Variants in DACH2 observed in about 807,000 individuals in gnomAD.
DACH2 encodes dachshund homolog 2.
A neutral mutation model predicts 35.8 loss-of-function variants in DACH2; 17 were observed. The observed-to-expected ratio is 0.48, with a 90% CI of 0.33 to 0.71. The LOEUF is 0.71. Among genes scored for constraint, DACH2 ranks in the 30% least tolerant of loss-of-function variants. The pLI is 0.02. For synonymous variants in DACH2, 195 were observed against 177.3 expected, an observed-to-expected ratio of 1.10 and a Z score of -0.79; for missense variants, 469 against 472.7, an observed-to-expected ratio of 0.99 and a Z score of 0.07.
rs779347731 is a variant in DACH2 at position 86,535,710 on chromosome X, GA to G, written c.640+21328del. The stretch of plus-strand genomic sequence containing the variant: ...GAGAGAGACACGGATCTGACAGAGA[GA>G]AAAAAAAACGGTAGGCTTTATTGAG... On this transcript the variant is annotated intron_variant, in intron 3 of 11. Transcript: ENST00000373125. Among the ~76,000 whole-genome samples the G allele has an allele frequency of 3.4e-4, 37 of 107,279 alleles. No homozygotes were observed. The East Asian group carries it at 5.9e-3, about 17-fold the overall frequency. 93.2% of individuals were successfully genotyped at this position (107,279 alleles called of 115,157 possible).
intron 2 of DACH2, among the ~76,000 whole-genome samples, chrX:86,459,922 C>A (rs1442753315): frequency 9.1e-6 from 1 of 110,344 alleles, no homozygotes; most frequent in East Asian, 2.8e-4. Context: ...ATAAAATTGT[C>A]CAACCAGTGA....
chrX:86,648,137 A>C (rs1298011666), intron 3 of DACH2, among the ~76,000 whole-genome samples: 8 of 111,458 alleles, frequency 7.2e-5, no homozygotes, highest in Admixed American at 3.8e-4. Flanking sequence ...AATATATGTA[A>C]TTTGAACATA....
chrX:86,346,710 A>G (rs1293057099), intron 1 of DACH2, among the ~76,000 whole-genome samples: 1 of 111,881 alleles, frequency 8.9e-6, no homozygotes, highest in African/African-American at 3.2e-5. Flanking sequence ...GTTCTGTTAA[A>G]GATGAATTAA....
rs745427871 is a variant in DACH2, at chrX:86,149,007, G to T, written c.387G>T (p.Arg129=). 3.3e-6 allele frequency: 4 copies of T among 1,211,052 alleles called. No individual in the cohort carries two copies. Among genetic ancestry groups the T allele is most frequent in the Non-Finnish European group, 4.5e-6 (4 of 895,106 alleles). ...TGGTGTGTACTGTTGAGCAGGTCCG[G>T]ATCCTCCGCGGGCTGGGGGCCATCC... ...SPVVCTVEQV[R]ILRGLGAIQP... Residue 129 remains arginine, a synonymous_variant, in exon 1 of 12, where the codon CGG becomes CGT. Transcript: ENST00000373125.
intron 1 of DACH2, among the ~76,000 whole-genome samples, chrX:86,320,405 C>T (rs774769466): frequency 2.7e-5 from 3 of 112,056 alleles, no homozygotes; most frequent in Non-Finnish European, 3.8e-5. Flanking sequence ...TGCACCACTA[C>T]CTGTTCACAG....
intron 1 of DACH2, among the ~76,000 whole-genome samples, chrX:86,281,838 G>A (rs767738807): frequency 2.7e-5 from 3 of 111,954 alleles, no homozygotes; most frequent in African/African-American, 9.7e-5. Flanking sequence ...AAAAGCACAG[G>A]CATTCCTATA....
intron 3 of DACH2, among the ~76,000 whole-genome samples, chrX:86,578,314 A>G (rs2039460252): frequency 1.1e-5 from 1 of 92,123 alleles, no homozygotes; most frequent in African/African-American, 5.1e-5. Context: ...GTGTGAGAGC[A>G]GAAGAAAAAT....
At chrX:86,816,008 T>A (rs1415690506) in intron 10 of DACH2, 26 bp from the exon 11 acceptor site, 1 of 1,133,448 alleles carries the variant, frequency 8.8e-7, no homozygotes, top group Non-Finnish European at 1.2e-6. Flanking sequence ...TAATTGTATA[T>A]TAATCTTGCA....
In DACH2 at chrX:86,397,242, C is replaced by T. The variant is rs1057499437; in HGVS notation, c.527+20380C>T. ...TAGTGATTTTTGCACATTGATTTTG[C>T]ATCCTGAGACTTTGCTGAAGTTGCT... On this transcript the variant is annotated intron_variant, in intron 2 of 11. Coordinates refer to ENST00000373125, the MANE Select transcript of DACH2 (RefSeq NM_053281.3). Among the ~76,000 whole-genome samples the T allele has an allele frequency of 9.0e-5, 10 of 111,539 alleles. 1 individual carries two copies. Among genetic ancestry groups the T allele is most frequent in the Admixed American group, 1.9e-4 (2 of 10,503 alleles).
intron 2 of DACH2, among the ~76,000 whole-genome samples, chrX:86,393,583 T>A (rs1214188116): frequency 8.9e-6 from 1 of 112,017 alleles, no homozygotes; most frequent in Non-Finnish European, 1.9e-5. Flanking sequence ...ACTGATTCGA[T>A]GTGGATTGTG....
chrX:86,158,024 T>C (rs2030612072), intron 1 of DACH2, among the ~76,000 whole-genome samples: 4 of 111,256 alleles, frequency 3.6e-5, no homozygotes, highest in South Asian at 3.8e-4. Flanking sequence ...TATTAAAGCA[T>C]ACTAAATTCA....
intron 6 of DACH2, among the ~76,000 whole-genome samples, chrX:86,736,836 C>T (rs1299735847): frequency 9.0e-6 from 1 of 111,303 alleles, no homozygotes; most frequent in Non-Finnish European, 1.9e-5. Context: ...TGTCCCTTTC[C>T]ATTCATTCAG....
chrX:86,300,398 A>G (rs2034551839), intron 1 of DACH2, among the ~76,000 whole-genome samples: 1 of 111,399 alleles, frequency 9.0e-6, no homozygotes, highest in South Asian at 3.7e-4. Context: ...AGTTTATTTT[A>G]TTAGTATTCC....
At chrX:86,517,655 C>T (rs775336262) in intron 3 of DACH2, among the ~76,000 whole-genome samples, 26 of 110,578 alleles carry the variant, frequency 2.4e-4, no homozygotes, top group African/African-American at 8.2e-4. Context: ...CCTGACCTCA[C>T]GATCCACCCA....
At chrX:86,469,228 CA>C (rs1287277050) in intron 2 of DACH2, among the ~76,000 whole-genome samples, 8 of 110,380 alleles carry the variant, frequency 7.2e-5, no homozygotes, top group African/African-American at 2.6e-4. Flanking sequence ...AGATGTTGGA[CA>C]AAGGACACAA....
At chrX:86,281,730 A>T (rs1602351279) in intron 1 of DACH2, among the ~76,000 whole-genome samples, 1 of 112,167 alleles carries the variant, frequency 8.9e-6, no homozygotes, top group Non-Finnish European at 1.9e-5. Context: ...TGTAGATGAC[A>T]TGATTGTGTA....
chrX:86,272,197 A>AGTGTGTGT (rs1322015282), intron 1 of DACH2, among the ~76,000 whole-genome samples: 31 of 46,676 alleles, frequency 6.6e-4, no homozygotes, highest in African/African-American at 3.8e-3. Context: ...TATTCCTTTG[A>AGTGTGTGT]GAGTGTGTGT....
chrX:86,538,736 C>T (rs1344455482), intron 3 of DACH2, among the ~76,000 whole-genome samples: 2 of 111,459 alleles, frequency 1.8e-5, no homozygotes, highest in African/African-American at 6.5e-5. Flanking sequence ...CCAAACACCT[C>T]CCCTTAGGCC....
chrX:86,680,338 G>T lies in DACH2; in HGVS notation c.773-14683G>T, dbSNP rs1036858262. Among the ~76,000 whole-genome samples the T allele has an allele frequency of 3.6e-5, 4 of 111,868 alleles. No individual in the cohort carries two copies. The Admixed American group carries it at 3.8e-4, about 11-fold the overall frequency. ...GTAAACATCCATCTATTGTGTGCAG[G>T]TAGTGAAAACTGCAGCTAAACTATT... On this transcript the variant is annotated intron_variant, in intron 4 of 11. Coordinates refer to ENST00000373125, the MANE Select transcript of DACH2 (RefSeq NM_053281.3).
Sources: allele counts gnomAD v4.1 joint callset (sites outside exome capture counted in the v4.1 genomes callset), GRCh38; gene constraint gnomAD v4.1.1; transcripts MANE v1.5; gene names NCBI Gene and HGNC (gene_info 2026-07-23, HGNC 2026-07-21).